The following SDK1 variants were observed in gnomAD, a reference collection of about 807,000 sequenced individuals.
SDK1 encodes sidekick cell adhesion molecule 1.
Under a neutral mutation model 245.5 loss-of-function variants are expected in SDK1, and 157 were observed. The observed-to-expected ratio is 0.64, with a 90% CI of 0.56 to 0.73. SDK1 has a LOEUF of 0.73. SDK1 is among the 30% of genes least tolerant of loss of function. SDK1 has a pLI of 0.00. For missense variants in SDK1, 3,583 were observed against 3,002.3 expected (o/e 1.19, Z -4.52); for synonymous variants, 1,647 against 1,278.5 (o/e 1.29, Z -6.15).
chr7:3,509,040 C>T (rs1037599969), intron 1 of SDK1, among the ~76,000 whole-genome samples: 1 of 151,964 alleles, frequency 6.6e-6, no homozygotes, highest in Non-Finnish European at 1.5e-5. Flanking sequence ...GTGAACTCAG[C>T]ATATCAGGGC....
chr7:3,459,909 T>A (rs148896799), intron 1 of SDK1, among the ~76,000 whole-genome samples: 2 of 152,348 alleles, frequency 1.3e-5, no homozygotes, highest in East Asian at 3.9e-4. Flanking sequence ...ATTGAGGCTT[T>A]TCAATATGTA....
chr7:3,608,323 G>A lies in SDK1; in HGVS notation c.299-10757G>A, dbSNP rs1027434589. The stretch of plus-strand genomic sequence containing the variant: ...AGGCAAAGGATTTGGGAGGTTGTCC[G>A]AGCTGGGAGTTGAACTGGCTGCTTT... On this transcript the variant is annotated intron_variant, in intron 1 of 44. Coordinates refer to ENST00000404826, the MANE Select transcript of SDK1 (RefSeq NM_152744.4). Among the ~76,000 whole-genome samples the A allele has an allele frequency of 2.6e-5, 4 of 152,306 alleles. No homozygotes were observed. In the South Asian group the frequency reaches 6.2e-4, roughly 24 times the overall value.
intron 1 of SDK1, among the ~76,000 whole-genome samples, chr7:3,499,734 C>T (rs1782137888): frequency 6.6e-6 from 1 of 152,194 alleles, no homozygotes; most frequent in Admixed American, 6.5e-5. Context: ...ATAGCCGGGC[C>T]TGTTTTTCCC....
chr7:3,704,703 A>G (rs1166480842), intron 4 of SDK1, among the ~76,000 whole-genome samples: 1 of 152,012 alleles, frequency 6.6e-6, no homozygotes, highest in African/African-American at 2.4e-5. Flanking sequence ...ATTAGATCCC[A>G]TTTATTTATT....
At chr7:3,739,401 C>T (rs952764334) in intron 4 of SDK1, among the ~76,000 whole-genome samples, 5 of 152,002 alleles carry the variant, frequency 3.3e-5, no homozygotes, top group South Asian at 2.1e-4. Context: ...GTTACTTTCC[C>T]TTCCATCTTC....
intron 5 of SDK1, among the ~76,000 whole-genome samples, chr7:3,904,243 A>G (rs1034599477): frequency 5.3e-5 from 8 of 152,240 alleles, no homozygotes; most frequent in East Asian, 1.9e-4. Context: ...ACACAAATCT[A>G]TAGAGACAGA....
At chr7:3,905,623 A>G (rs1778873546) in intron 5 of SDK1, among the ~76,000 whole-genome samples, 1 of 151,494 alleles carries the variant, frequency 6.6e-6, no homozygotes, top group Non-Finnish European at 1.5e-5. Flanking sequence ...GTCCTTTATC[A>G]ATTCCAAAGT....
At position 3,565,254 on chromosome 7, in the gene SDK1, A is replaced by G. The variant is rs180950840; in HGVS notation, c.299-53826A>G. Among the ~76,000 whole-genome samples the G allele has an allele frequency of 1.7e-4, 26 of 152,268 alleles. 1 individual carries two copies. The East Asian group carries it at 4.6e-3, about 27-fold the overall frequency. ...TCACCTCCCTCTTCCGGAGGTCATGATAAAGCATCTAAATTGCATCCAGAA... is the reference window on the plus strand; with the variant it reads ...TCACCTCCCTCTTCCGGAGGTCATGGTAAAGCATCTAAATTGCATCCAGAA... On this transcript the variant is annotated intron_variant, in intron 1 of 44. Coordinates refer to ENST00000404826, the MANE Select transcript of SDK1 (RefSeq NM_152744.4).
chr7:3,715,459 A>C (rs79370814), intron 4 of SDK1, among the ~76,000 whole-genome samples: 4,143 of 152,254 alleles, frequency 0.027, 200 homozygotes, highest in African/African-American at 0.096. Context: ...CTCTCAGCCT[A>C]CCGAACCAGA....
At chr7:3,953,716 CT>C (rs1419294383) in intron 7 of SDK1, among the ~76,000 whole-genome samples, 3 of 152,178 alleles carry the variant, frequency 2.0e-5, no homozygotes, top group Non-Finnish European at 4.4e-5. Flanking sequence ...ATCTTAAGAG[CT>C]TTAGTTTTAC....
chr7:3,344,030 A>AAC (rs1780426855), intron 1 of SDK1, among the ~76,000 whole-genome samples: 1 of 150,576 alleles, frequency 6.6e-6, no homozygotes. Flanking sequence ...AAAAAAAAAA[A>AAC]AAAAAACTAG....
intron 40 of SDK1, among the ~76,000 whole-genome samples, chr7:4,230,685 AATGGATGGATGGTTAC>A (rs1036573035): frequency 2.6e-5 from 4 of 151,056 alleles, no homozygotes; most frequent in African/African-American, 9.7e-5. Context: ...GGAAGAATGG[AATGGATGGATGGTTAC>A]ATGGATGGAT....
At chr7:4,231,494 G>C (rs892833873) in intron 40 of SDK1, among the ~76,000 whole-genome samples, 2 of 151,736 alleles carry the variant, frequency 1.3e-5, no homozygotes, top group African/African-American at 2.4e-5. Flanking sequence ...GATAACTTGA[G>C]TCCAGTAGTT....
chr7:3,355,603 C>T (rs1161308858), intron 1 of SDK1, among the ~76,000 whole-genome samples: 1 of 152,218 alleles, frequency 6.6e-6, no homozygotes, highest in Non-Finnish European at 1.5e-5. Context: ...TTCCCTCCAT[C>T]TTCACGGTAC....
At chr7:4,248,277 T>A (rs1787037113) in intron 44 of SDK1, among the ~76,000 whole-genome samples, 1 of 151,096 alleles carries the variant, frequency 6.6e-6, no homozygotes, top group Non-Finnish European at 1.5e-5. Context: ...CACACCTAAA[T>A]ACACACACAC....
At chr7:3,805,133 T>A (rs1043878608) in intron 4 of SDK1, among the ~76,000 whole-genome samples, 1 of 152,244 alleles carries the variant, frequency 6.6e-6, no homozygotes, top group Non-Finnish European at 1.5e-5. Context: ...CATAAGTACA[T>A]ACAATTTTTA....
rs778006377 is a variant in SDK1 at position 4,145,838 on chromosome 7, A to C, written c.4345A>C (p.Ile1449Leu). Residue 1449 changes from isoleucine to leucine, a missense_variant, in exon 29 of 45, where the codon ATC becomes CTC. By Grantham distance (5) the Ile-to-Leu change is conservative. Transcript: ENST00000404826. ...CGACCTGGCCCCGGAGTCCGCATAC[A>C]TCTTCAGGCTGTCCGCCAAGACGAG... ...ATDLAPESAY[I>L]FRLSAKTRQG... 6.2e-7 allele frequency: 1 copy of C among 1,613,638 alleles called. No homozygotes were observed. Among genetic ancestry groups the C allele is most frequent in the South Asian group, 1.1e-5 (1 of 91,044 alleles).
chr7:3,404,487 G>A (rs189218259), intron 1 of SDK1, among the ~76,000 whole-genome samples: 4 of 152,288 alleles, frequency 2.6e-5, no homozygotes, highest in Non-Finnish European at 5.9e-5. Flanking sequence ...AATAGTGACT[G>A]TTGACTTCTT....
chr7:3,665,204 C>T (rs1193281782), intron 4 of SDK1, among the ~76,000 whole-genome samples: 1 of 152,196 alleles, frequency 6.6e-6, no homozygotes. Context: ...GAGACCCACA[C>T]ATGGGGACCA....
Sources: gnomAD v4.1 joint callset for allele counts (sites outside exome capture counted in the v4.1 genomes callset) on GRCh38, gnomAD v4.1.1 for gene constraint, MANE v1.5 for transcripts, NCBI Gene and HGNC (gene_info 2026-07-23, HGNC 2026-07-21) for gene names.